STXBP4: variants seen among roughly 807,000 people sequenced by gnomAD.
The protein encoded by STXBP4 is syntaxin binding protein 4.
STXBP4 carries 55 observed loss-of-function variants against 76.1 expected under a neutral mutation model. The ratio of observed to expected loss-of-function variants is 0.72; its 90% CI spans 0.58 to 0.91. The LOEUF is 0.91. Among genes scored for constraint, STXBP4 ranks in the 40% least tolerant of loss-of-function variants. STXBP4 has a pLI of 0.00. For missense variants in STXBP4, 618 were observed against 636.9 expected, an observed-to-expected ratio of 0.97 and a Z score of 0.32; for synonymous variants, 201 against 220.2, an observed-to-expected ratio of 0.91 and a Z score of 0.77.
intron 4 of STXBP4, among the ~76,000 whole-genome samples, chr17:54,995,646 T>A (rs577687882): frequency 1.3e-5 from 2 of 152,302 alleles, no homozygotes; most frequent in South Asian, 4.1e-4. Flanking sequence ...TCAGAGGAAA[T>A]CTGTTTTCAT....
At chr17:55,047,060 G>A in intron 11 of STXBP4, 29 bp from the exon 12 acceptor site, 3 of 1,394,792 alleles carry the variant, frequency 2.2e-6, no homozygotes, top group Non-Finnish European at 2.0e-6. Flanking sequence ...TTCATAACAA[G>A]TTGTTAATTT....
chr17:55,073,099 C>T, intron 13 of STXBP4, 23 bp downstream of exon 13: 1 of 1,608,708 alleles, frequency 6.2e-7, no homozygotes, highest in South Asian at 1.1e-5. Flanking sequence ...GTCATCTCTT[C>T]CAGTTACCAT....
At chr17:55,132,550 A>G (rs1414249697) in intron 16 of STXBP4, among the ~76,000 whole-genome samples, 1 of 152,194 alleles carries the variant, frequency 6.6e-6, no homozygotes, top group Admixed American at 6.5e-5. Flanking sequence ...CCCAAATTTT[A>G]CATCCTATTG....
chr17:55,137,990 CAT>C lies in STXBP4; in HGVS notation c.1490-3319_1490-3318del, dbSNP rs367561105. 1.2e-3 allele frequency among the ~76,000 whole-genome samples: 190 copies of C among 152,224 alleles called. 1 individual carries two copies. The highest frequency in any genetic ancestry group is 4.8e-3 in the South Asian group (23 of 4,822). ...TTAAGCATGAAGTTAAACATTTTCA[CAT>C]GTGTTCATTTGTGTTTCATGCCCTA... On this transcript the variant is annotated intron_variant, in intron 16 of 17. Coordinates refer to ENST00000376352, the MANE Select transcript of STXBP4 (RefSeq NM_178509.6).
chr17:55,206,952 G>C, the STXBP4 span, among the ~76,000 whole-genome samples: 1 of 151,642 alleles, frequency 6.6e-6, no homozygotes, highest in Non-Finnish European at 1.5e-5. Context: ...TGTCATGACA[G>C]GCATCTAAAT....
intron 8 of STXBP4, among the ~76,000 whole-genome samples, chr17:55,013,753 T>A (rs1329107225): frequency 6.6e-6 from 1 of 152,180 alleles, no homozygotes; most frequent in Admixed American, 6.5e-5. Flanking sequence ...GATAACTGAC[T>A]CAAGTCTTGG....
intron 7 of STXBP4, among the ~76,000 whole-genome samples, chr17:55,004,327 A>G (rs980199509): frequency 6.6e-6 from 1 of 152,190 alleles, no homozygotes; most frequent in Non-Finnish European, 1.5e-5. Context: ...TTCAGAGTTC[A>G]TGGTATTAAG....
At chr17:55,029,427 A>G (rs1344912465) in intron 8 of STXBP4, among the ~76,000 whole-genome samples, 4 of 151,996 alleles carry the variant, frequency 2.6e-5, no homozygotes, top group African/African-American at 9.7e-5. Context: ...TATTGAAAAT[A>G]TATACATAAA....
At chr17:54,988,588 A>G (rs1348950979) in intron 3 of STXBP4, among the ~76,000 whole-genome samples, 1 of 152,116 alleles carries the variant, frequency 6.6e-6, no homozygotes, top group East Asian at 1.9e-4. Flanking sequence ...AGCCTGGCCA[A>G]CATGGTGAAA....
intron 12 of STXBP4, among the ~76,000 whole-genome samples, chr17:55,063,764 A>C (rs2144832978): frequency 6.6e-6 from 1 of 152,340 alleles, no homozygotes; most frequent in South Asian, 2.1e-4. Context: ...TATATAGGAA[A>C]GTAGGCATTA....
At chr17:55,108,625 G>A (rs765739260) in intron 16 of STXBP4, among the ~76,000 whole-genome samples, 11 of 152,164 alleles carry the variant, frequency 7.2e-5, no homozygotes, top group Non-Finnish European at 1.0e-4. Flanking sequence ...CGTTCCTCAC[G>A]GCACAGTCCC....
intron 1 of STXBP4, among the ~76,000 whole-genome samples, chr17:54,974,115 C>T (rs1280937880): frequency 6.6e-6 from 1 of 152,096 alleles, no homozygotes; most frequent in African/African-American, 2.4e-5. Context: ...ATATGGTGGT[C>T]GTCACTGAAC....
intron 17 of STXBP4, among the ~76,000 whole-genome samples, chr17:55,145,586 A>T (rs1255703968): frequency 2.0e-5 from 3 of 152,226 alleles, no homozygotes; most frequent in Non-Finnish European, 4.4e-5. Flanking sequence ...TCCATCACAC[A>T]TATATTAATA....
At chr17:55,027,070 G>A (rs1031253938) in intron 8 of STXBP4, among the ~76,000 whole-genome samples, 4 of 152,190 alleles carry the variant, frequency 2.6e-5, no homozygotes, top group Non-Finnish European at 4.4e-5. Context: ...GGAGCTAGAT[G>A]AGGCTTACTG....
At chr17:55,069,077 A>G (rs954001925) in intron 12 of STXBP4, among the ~76,000 whole-genome samples, 1 of 151,042 alleles carries the variant, frequency 6.6e-6, no homozygotes, top group African/African-American at 2.4e-5. Context: ...TTGAAGTTTC[A>G]TTATGTAATC....
chr17:55,151,737 G>GT (rs935200889), intron 17 of STXBP4, among the ~76,000 whole-genome samples: 26 of 152,274 alleles, frequency 1.7e-4, no homozygotes, highest in African/African-American at 5.8e-4. Flanking sequence ...CTTTAGTAAA[G>GT]TTTTATACTC....
At chr17:55,207,518 G>T in the STXBP4 span, among the ~76,000 whole-genome samples, 1 of 152,104 alleles carries the variant, frequency 6.6e-6, no homozygotes, top group Non-Finnish European at 1.5e-5. Flanking sequence ...AAAAGCTAAC[G>T]ACCTCTCTAC....
the STXBP4 span, among the ~76,000 whole-genome samples, chr17:55,195,935 G>A: frequency 6.6e-6 from 1 of 152,096 alleles, no homozygotes; most frequent in Non-Finnish European, 1.5e-5. Flanking sequence ...TAGCTCACAG[G>A]ACAACCCACT....
At chr17:55,180,545 A>C in the STXBP4 span, among the ~76,000 whole-genome samples, 1 of 94,120 alleles carries the variant, frequency 1.1e-5, no homozygotes, top group African/African-American at 4.9e-5. Flanking sequence ...CCCAGAAAAT[A>C]ATTGCAAACC....
Sources: gnomAD v4.1 joint callset for allele counts (sites outside exome capture counted in the v4.1 genomes callset) on GRCh38, gnomAD v4.1.1 for gene constraint, MANE v1.5 for transcripts, NCBI Gene and HGNC (gene_info 2026-07-23, HGNC 2026-07-21) for gene names.